CSMD3: variants seen among roughly 807,000 people sequenced by gnomAD.
CSMD3 encodes the protein CUB and Sushi multiple domains 3.
CSMD3 carries 177 observed loss-of-function variants against 435.2 expected under a neutral mutation model. The observed-to-expected ratio is 0.41, with a 90% CI of 0.36 to 0.46. The LOEUF (loss-of-function observed/expected upper bound fraction) is 0.46. Among genes scored for constraint, CSMD3 ranks in the 20% least tolerant of loss-of-function variants. CSMD3 has a pLI of 0.34. For missense variants in CSMD3, 4,265 were observed against 4,504.6 expected (o/e 0.95, Z 1.52); for synonymous variants, 1,656 against 1,520.5 (o/e 1.09, Z -2.07).
intron 4 of CSMD3, among the ~76,000 whole-genome samples, chr8:113,163,875 AAAAGAGGTAATAC>A (rs1418019863): frequency 6.6e-6 from 1 of 152,034 alleles, no homozygotes; most frequent in Non-Finnish European, 1.5e-5. Context: ...TATGTCAGTA[AAAAGAGGTAATAC>A]AAACCTGACC....
intron 22 of CSMD3, among the ~76,000 whole-genome samples, chr8:112,615,701 C>G (rs146116630): frequency 6.6e-6 from 1 of 151,786 alleles, no homozygotes; most frequent in Admixed American, 6.6e-5. Flanking sequence ...ATAAACCATA[C>G]GAAAAAAGAG....
At chr8:113,392,236 A>T (rs193281365) in intron 1 of CSMD3, among the ~76,000 whole-genome samples, 2 of 152,250 alleles carry the variant, frequency 1.3e-5, no homozygotes, top group Non-Finnish European at 2.9e-5. Flanking sequence ...AATTATAATT[A>T]TTAAATAGGT....
At chr8:112,615,759 G>T (rs1833616388) in intron 22 of CSMD3, among the ~76,000 whole-genome samples, 1 of 152,030 alleles carries the variant, frequency 6.6e-6, no homozygotes, top group African/African-American at 2.4e-5. Flanking sequence ...GTTGCCCTTT[G>T]GGACACTGGA....
intron 70 of CSMD3, among the ~76,000 whole-genome samples, chr8:112,226,340 A>C (rs1812556091): frequency 6.6e-6 from 1 of 152,176 alleles, no homozygotes; most frequent in African/African-American, 2.4e-5. Context: ...TCATGAAGAT[A>C]CAAAATAATT....
At chr8:112,833,166 T>C (rs1180956858) in intron 11 of CSMD3, among the ~76,000 whole-genome samples, 2 of 152,092 alleles carry the variant, frequency 1.3e-5, no homozygotes, top group Non-Finnish European at 1.5e-5. Flanking sequence ...GTCTTTCACA[T>C]ATCAACTTGT....
intron 5 of CSMD3, among the ~76,000 whole-genome samples, chr8:113,040,872 C>A (rs2131285550): frequency 6.6e-6 from 1 of 152,064 alleles, no homozygotes; most frequent in African/African-American, 2.4e-5. Context: ...TTCTGGATTC[C>A]CCCCACACAC....
chr8:113,210,384 C>G (rs1404703447), intron 3 of CSMD3, among the ~76,000 whole-genome samples: 1 of 151,996 alleles, frequency 6.6e-6, no homozygotes, highest in Non-Finnish European at 1.5e-5. Context: ...AATAATAATT[C>G]TCTTCACAAA....
At chr8:112,275,184 A>T (rs564967989) in intron 59 of CSMD3, among the ~76,000 whole-genome samples, 1 of 152,236 alleles carries the variant, frequency 6.6e-6, no homozygotes, top group South Asian at 2.1e-4. Context: ...AAAAAAGCAA[A>T]ACTATATGTA....
At chr8:113,288,038 T>C (rs2093659199) in intron 2 of CSMD3, among the ~76,000 whole-genome samples, 1 of 151,968 alleles carries the variant, frequency 6.6e-6, no homozygotes, top group African/African-American at 2.4e-5. Flanking sequence ...TATTTTCTAG[T>C]AAATTATTTT....
At chr8:112,482,132 A>G (rs190052213) in intron 31 of CSMD3, among the ~76,000 whole-genome samples, 62 of 152,284 alleles carry the variant, frequency 4.1e-4, no homozygotes, top group African/African-American at 1.4e-3. Flanking sequence ...GGATTCATTC[A>G]TTAGATTTCC....
At chr8:113,256,371 C>T (rs1293385409) in intron 3 of CSMD3, among the ~76,000 whole-genome samples, 1 of 152,048 alleles carries the variant, frequency 6.6e-6, no homozygotes, top group Non-Finnish European at 1.5e-5. Context: ...GAAATACATG[C>T]TCAGCACCGA....
chr8:112,724,428 A>G (rs1363109879), intron 13 of CSMD3, among the ~76,000 whole-genome samples: 2 of 152,044 alleles, frequency 1.3e-5, no homozygotes, highest in African/African-American at 4.8e-5. Context: ...AGCCAAAATA[A>G]TTTGCTAATA....
chr8:112,500,393 C>A (rs2130897989), intron 30 of CSMD3, among the ~76,000 whole-genome samples: 1 of 152,040 alleles, frequency 6.6e-6, no homozygotes, highest in East Asian at 1.9e-4. Flanking sequence ...ATTAAAATTC[C>A]ACCACCTTAA....
intron 13 of CSMD3, among the ~76,000 whole-genome samples, chr8:112,778,493 T>A (rs2078300215): frequency 6.6e-6 from 1 of 151,960 alleles, no homozygotes; most frequent in African/African-American, 2.4e-5. Flanking sequence ...TTCTTTCACT[T>A]AGTAAAATGC....
At chr8:113,009,427 T>C (rs920488194) in intron 6 of CSMD3, among the ~76,000 whole-genome samples, 1 of 151,846 alleles carries the variant, frequency 6.6e-6, no homozygotes, top group Non-Finnish European at 1.5e-5. Flanking sequence ...ACAATACTTG[T>C]ATGAAGAAAA....
chr8:112,923,718 G>A (rs1480718359), intron 9 of CSMD3, among the ~76,000 whole-genome samples: 2 of 151,958 alleles, frequency 1.3e-5, no homozygotes, highest in East Asian at 1.9e-4. Flanking sequence ...AAAACCTCAA[G>A]TCTCTTATCT....
In CSMD3 at chr8:113,263,309, A is replaced by G. The variant is rs1392841212; in HGVS notation, c.514+15283T>C. On this transcript the variant is annotated intron_variant, in intron 3 of 70. Transcript: ENST00000297405. ...TTAGAAGATCAATTATTTTTACTAC[A>G]TACTTGGAAATACCATCATTACTGT... 3.3e-5 allele frequency among the ~76,000 whole-genome samples: 5 copies of G among 152,156 alleles called. No individual in the cohort carries two copies. In the East Asian group the frequency reaches 9.6e-4, roughly 29 times the overall value.
chr8:112,774,841 A>G (rs2078206961), intron 13 of CSMD3, among the ~76,000 whole-genome samples: 1 of 152,064 alleles, frequency 6.6e-6, no homozygotes, highest in African/African-American at 2.4e-5. Flanking sequence ...AATTTACAGA[A>G]TAATCATATC....
At chr8:113,428,391 G>T (rs2094649799) in intron 1 of CSMD3, among the ~76,000 whole-genome samples, 2 of 151,532 alleles carry the variant, frequency 1.3e-5, no homozygotes, top group East Asian at 1.9e-4. Flanking sequence ...TTAGATTTTG[G>T]TAAGTCTATG....
Sources: allele counts gnomAD v4.1 joint callset (sites outside exome capture counted in the v4.1 genomes callset), GRCh38; gene constraint gnomAD v4.1.1; transcripts MANE v1.5; gene names NCBI Gene and HGNC (gene_info 2026-07-23, HGNC 2026-07-21).